SPATA17: variants seen among roughly 807,000 people sequenced by gnomAD.
SPATA17 encodes the protein spermatogenesis associated 17.
SPATA17 carries 53 observed loss-of-function variants against 62.2 expected under a neutral mutation model. The ratio of observed to expected loss-of-function variants is 0.85; its 90% CI spans 0.68 to 1.07. The LOEUF is 1.07. SPATA17 is among the 50% of genes least tolerant of loss of function. The pLI is 0.00. For missense variants in SPATA17, 466 were observed against 425.5 expected (o/e 1.10, Z -0.84); for synonymous variants, 146 against 146.8 (o/e 0.99, Z 0.04).
In SPATA17 at chr1:217,730,419, GT is replaced by G. The variant is rs1216771133; in HGVS notation, c.396-11554del. The stretch of plus-strand genomic sequence containing the variant: ...TTTAGTAGAGACAGGGTTTCACCAT[GT>G]TGGCCATGCTGATCTCGAACTCCTG... On this transcript the variant is annotated intron_variant, in intron 5 of 10. Coordinates refer to ENST00000366933, the MANE Select transcript of SPATA17 (RefSeq NM_138796.4). 2.6e-5 allele frequency among the ~76,000 whole-genome samples: 4 copies of G among 152,078 alleles called. No individual in the cohort carries two copies. The South Asian group carries it at 8.3e-4, about 32-fold the overall frequency.
At chr1:217,763,940 A>G (rs537980164) in intron 6 of SPATA17, among the ~76,000 whole-genome samples, 9 of 152,308 alleles carry the variant, frequency 5.9e-5, no homozygotes, top group Admixed American at 3.3e-4. Context: ...TTTTAGATTT[A>G]TAGAAAAATT....
intron 1 of SPATA17, among the ~76,000 whole-genome samples, chr1:217,641,276 C>A (rs1336049943): frequency 6.6e-6 from 1 of 152,056 alleles, no homozygotes; most frequent in Non-Finnish European, 1.5e-5. Context: ...GACAATTACC[C>A]CAGCTTTCTT....
intron 3 of SPATA17, among the ~76,000 whole-genome samples, chr1:217,653,949 C>T (rs940332628): frequency 6.6e-6 from 1 of 151,998 alleles, no homozygotes; most frequent in Non-Finnish European, 1.5e-5. Context: ...ACATTTGGGT[C>T]CATTTGTCTC....
intron 6 of SPATA17, among the ~76,000 whole-genome samples, chr1:217,765,633 A>T (rs1673281376): frequency 6.6e-6 from 1 of 151,698 alleles, no homozygotes; most frequent in African/African-American, 2.4e-5. Flanking sequence ...ACTTTGTCTG[A>T]TTTCTGTTCT....
At position 217,663,774 on chromosome 1, in the gene SPATA17, C is replaced by G. The variant is rs191433313; in HGVS notation, c.241-5259C>G. ...AAATTACTCAAAATTATTATAAATA[C>G]ATATTACTTTAAATGTTTTGCACTT... is the stretch of plus-strand genomic sequence containing the variant. On this transcript the variant is annotated intron_variant, in intron 3 of 10. Transcript: ENST00000366933. Among the ~76,000 whole-genome samples, 288 of 152,088 alleles carry G rather than the reference C, an allele frequency of 1.9e-3. 2 individuals carry two copies. The highest frequency in any genetic ancestry group is 0.017 in the Middle Eastern group (5 of 292).
intron 9 of SPATA17, among the ~76,000 whole-genome samples, chr1:217,861,195 A>G (rs1227501555): frequency 6.6e-6 from 1 of 151,960 alleles, no homozygotes; most frequent in East Asian, 1.9e-4. Context: ...ATTATTTAGA[A>G]CAAAGACTGT....
chr1:217,677,988 TTAC>T (rs908072426), intron 4 of SPATA17, among the ~76,000 whole-genome samples: 1 of 152,118 alleles, frequency 6.6e-6, no homozygotes, highest in African/African-American at 2.4e-5. Context: ...TTGGGTTATA[TTAC>T]TACTTTTTAC....
At chr1:217,774,659 A>G in intron 7 of SPATA17, 122 bp downstream of exon 7, 1 of 797,560 alleles carries the variant, frequency 1.3e-6, no homozygotes, top group African/African-American at 1.7e-5. Flanking sequence ...GATTAAGTAC[A>G]TTCATATTTT....
intron 1 of SPATA17, among the ~76,000 whole-genome samples, chr1:217,634,918 GTT>G (rs1669903718): frequency 6.6e-6 from 1 of 151,918 alleles, no homozygotes; most frequent in Admixed American, 6.6e-5. Flanking sequence ...TGTTGTTGTT[GTT>G]GTTGTTGTTG....
intron 5 of SPATA17, among the ~76,000 whole-genome samples, chr1:217,725,768 TTA>T (rs1249532048): frequency 6.6e-6 from 1 of 152,196 alleles, no homozygotes; most frequent in Non-Finnish European, 1.5e-5. Context: ...CAGCCCCAGA[TTA>T]TGTTTTTAAA....
At chr1:217,758,144 C>T (rs1673091690) in intron 6 of SPATA17, among the ~76,000 whole-genome samples, 2 of 152,104 alleles carry the variant, frequency 1.3e-5, no homozygotes, top group South Asian at 4.1e-4. Flanking sequence ...TTACTGTGAG[C>T]CAAGTACTCT....
intron 9 of SPATA17, among the ~76,000 whole-genome samples, chr1:217,819,433 C>T (rs1674807946): frequency 6.6e-6 from 1 of 151,880 alleles, no homozygotes; most frequent in Admixed American, 6.6e-5. Flanking sequence ...CTCTCTATCT[C>T]TCTCTTCCCT....
At chr1:217,674,232 C>T (rs1409517624) in intron 4 of SPATA17, among the ~76,000 whole-genome samples, 1 of 152,164 alleles carries the variant, frequency 6.6e-6, no homozygotes, top group African/African-American at 2.4e-5. Flanking sequence ...GGGAACTCCC[C>T]AGATTCTGAA....
chr1:217,723,970 A>G (rs904792730), intron 5 of SPATA17, among the ~76,000 whole-genome samples: 3 of 152,184 alleles, frequency 2.0e-5, no homozygotes, highest in Admixed American at 6.5e-5. Context: ...GGGCGGAGCT[A>G]ACCTCCAATC....
At chr1:217,859,566 C>A (rs1571847714) in intron 9 of SPATA17, among the ~76,000 whole-genome samples, 1 of 152,018 alleles carries the variant, frequency 6.6e-6, no homozygotes, top group African/African-American at 2.4e-5. Context: ...CACCACAATA[C>A]CCAGCCAATT....
intron 6 of SPATA17, among the ~76,000 whole-genome samples, chr1:217,748,494 G>A (rs1349423161): frequency 6.6e-6 from 1 of 151,948 alleles, no homozygotes; most frequent in African/African-American, 2.4e-5. Context: ...CTGTAACCCA[G>A]CACTTGGGGA....
At chr1:217,724,986 T>C (rs1262834280) in intron 5 of SPATA17, among the ~76,000 whole-genome samples, 3 of 152,202 alleles carry the variant, frequency 2.0e-5, no homozygotes, top group African/African-American at 7.2e-5. Context: ...GCCTTTCAGT[T>C]CTTTATATGG....
intron 3 of SPATA17, among the ~76,000 whole-genome samples, chr1:217,668,428 T>C (rs2102896310): frequency 6.6e-6 from 1 of 152,306 alleles, no homozygotes; most frequent in South Asian, 2.1e-4. Context: ...TGCTGTAACA[T>C]GATATCATTG....
chr1:217,813,073 A>G (rs1674632714), intron 9 of SPATA17, among the ~76,000 whole-genome samples: 1 of 152,230 alleles, frequency 6.6e-6, no homozygotes, highest in Non-Finnish European at 1.5e-5. Context: ...CCAGTACTCT[A>G]AAGAATTAAT....
Sources: gnomAD v4.1 joint callset for allele counts (sites outside exome capture counted in the v4.1 genomes callset) on GRCh38, gnomAD v4.1.1 for gene constraint, MANE v1.5 for transcripts, NCBI Gene and HGNC (gene_info 2026-07-23, HGNC 2026-07-21) for gene names.